The following RAF1 variants were observed in gnomAD, a reference collection of about 807,000 sequenced individuals.
The protein encoded by RAF1 is RAF proto-oncogene serine/threonine-protein kinase.
A neutral mutation model predicts 81.1 loss-of-function variants in RAF1; 27 were observed. The ratio of observed to expected loss-of-function variants is 0.33; its 90% CI spans 0.25 to 0.46. The LOEUF is 0.46. Among genes scored for constraint, RAF1 ranks in the 20% least tolerant of loss-of-function variants. The probability of loss-of-function intolerance (pLI) is 1.00; values close to 1 mark genes in which losing one functional copy is unlikely to be tolerated. For synonymous variants in RAF1, 298 were observed against 294.0 expected (o/e 1.01, Z -0.14); for missense variants, 598 against 826.0 (o/e 0.72, Z 3.38).
chr3:12,631,743 C>T (rs1465647511), intron 1 of RAF1, among the ~76,000 whole-genome samples: 4 of 152,204 alleles, frequency 2.6e-5, no homozygotes, highest in African/African-American at 9.7e-5. Context: ...GGTGGAAATT[C>T]AGCTCATGCT....
chr3:12,585,031 T>C (rs1334716097), intron 16 of RAF1, 50 bp from the exon 16 acceptor site: 4 of 1,613,954 alleles, frequency 2.5e-6, no homozygotes, highest in Non-Finnish European at 3.4e-6. Context: ...GAACAACAGA[T>C]AATAACAAGT....
chr3:12,596,533 T>G (rs1260494827), intron 11 of RAF1, among the ~76,000 whole-genome samples: 1 of 152,134 alleles, frequency 6.6e-6, no homozygotes, highest in Non-Finnish European at 1.5e-5. Context: ...GTTGTGAGCT[T>G]TGGGCCTGAC....
At position 12,623,221 on chromosome 3, in the gene RAF1, A is replaced by G. The variant is rs968762900; in HGVS notation, c.-26-4474T>C. On this transcript the variant is annotated intron_variant, in intron 1 of 17. Transcript: ENST00000442415. ...TTTATTCTATATTCAACTGTGGGGG[A>G]AGACTGTATTGGAATTGACTGATTC... 3.3e-5 allele frequency among the ~76,000 whole-genome samples: 5 copies of G among 152,124 alleles called. No individual in the cohort carries two copies. The South Asian group carries it at 1.0e-3, about 32-fold the overall frequency.
intron 14 of RAF1, among the ~76,000 whole-genome samples, chr3:12,586,447 C>T (rs1428357265): frequency 6.6e-6 from 1 of 152,116 alleles, no homozygotes; most frequent in Admixed American, 6.5e-5. Context: ...ACAAAACACA[C>T]ACAAAGTAAC....
intron 6 of RAF1, among the ~76,000 whole-genome samples, 173 bp downstream of exon 6, chr3:12,606,028 A>C (rs1395346163): frequency 9.3e-6 from 1 of 107,192 alleles, no homozygotes; most frequent in African/African-American, 4.2e-5. Flanking sequence ...ACAGGTCCAT[A>C]AACAGAAATT....
chr3:12,615,704 G>A (rs1037568103), intron 2 of RAF1, among the ~76,000 whole-genome samples: 1 of 152,170 alleles, frequency 6.6e-6, no homozygotes, highest in African/African-American at 2.4e-5. Flanking sequence ...CCAACCACCA[G>A]CTGTGCTCAA....
chr3:12,603,565 A>G (rs753724559), intron 7 of RAF1: 6 of 694,208 alleles, frequency 8.6e-6, no homozygotes, highest in Middle Eastern at 2.3e-4. Flanking sequence ...GAAATAAAGA[A>G]GAATAAAGAA....
intron 14 of RAF1, 67 bp downstream of exon 13, chr3:12,587,520 TAGAA>T (rs1399291198): frequency 1.4e-5 from 20 of 1,399,684 alleles, no homozygotes; most frequent in Admixed American, 5.0e-5. Flanking sequence ...CCACTTGTGA[TAGAA>T]AGCCTCCCTT....
At chr3:12,591,663 C>T (rs777189167) in intron 12 of RAF1, 45 bp downstream of exon 11, 2 of 1,523,794 alleles carry the variant, frequency 1.3e-6, no homozygotes, top group Admixed American at 1.7e-5. Flanking sequence ...TTGTACTCCC[C>T]ACTCCAGCAC....
chr3:12,623,241 T>C (rs1427730992), intron 1 of RAF1, among the ~76,000 whole-genome samples: 2 of 152,164 alleles, frequency 1.3e-5, no homozygotes, highest in African/African-American at 4.8e-5. Flanking sequence ...TGGAATTGAC[T>C]GATTCCAATC....
At chr3:12,653,752 T>C (rs1217159589) in intron 1 of RAF1, among the ~76,000 whole-genome samples, 2 of 149,284 alleles carry the variant, frequency 1.3e-5, no homozygotes, top group South Asian at 4.2e-4. Context: ...AAAAAAAAAG[T>C]CATCTCTCAT....
chr3:12,644,641 C>A (rs963461263), intron 1 of RAF1, among the ~76,000 whole-genome samples: 3 of 152,148 alleles, frequency 2.0e-5, no homozygotes, highest in African/African-American at 7.2e-5. Context: ...TCCTATTGCC[C>A]TTTCTGAGTA....
chr3:12,617,755 T>C (rs966574350), intron 2 of RAF1, among the ~76,000 whole-genome samples: 1 of 151,142 alleles, frequency 6.6e-6, no homozygotes, highest in Admixed American at 6.6e-5. Flanking sequence ...CAGCCAGGCG[T>C]GGCGGTGTGT....
At chr3:12,660,783 T>A (rs1186528619) in intron 1 of RAF1, among the ~76,000 whole-genome samples, 2 of 152,100 alleles carry the variant, frequency 1.3e-5, no homozygotes, top group African/African-American at 2.4e-5. Context: ...AAGACCAGCC[T>A]GGCTAATATG....
chr3:12,612,681 GTA>G (rs1021900296), intron 2 of RAF1, among the ~76,000 whole-genome samples: 1 of 150,006 alleles, frequency 6.7e-6, no homozygotes, highest in Admixed American at 6.6e-5. Flanking sequence ...GAAGAAATCT[GTA>G]TATGTTATAC....
intron 2 of RAF1, 31 bp downstream of exon 2, chr3:12,618,484 G>C: frequency 6.2e-7 from 1 of 1,609,402 alleles, no homozygotes; most frequent in South Asian, 1.1e-5. Context: ...CAGATAAATA[G>C]CTAAATTTCC....
intron 11 of RAF1, among the ~76,000 whole-genome samples, chr3:12,598,010 C>CT (rs138096604): frequency 2.6e-3 from 167 of 64,296 alleles, no homozygotes; most frequent in East Asian, 3.0e-3. Context: ...TTTTCTTTTC[C>CT]TTTTTTTTTT....
chr3:12,619,093 A>G (rs1471631575), intron 1 of RAF1, among the ~76,000 whole-genome samples: 5 of 151,794 alleles, frequency 3.3e-5, no homozygotes, highest in African/African-American at 1.2e-4. Context: ...AAAATACAAA[A>G]AATTAGCCGG....
intron 1 of RAF1, among the ~76,000 whole-genome samples, chr3:12,660,442 C>T (rs1199719711): frequency 3.9e-5 from 6 of 151,948 alleles, no homozygotes; most frequent in African/African-American, 1.4e-4. Context: ...GGACTACAGG[C>T]ATACTACACC....
Sources: allele counts gnomAD v4.1 joint callset (sites outside exome capture counted in the v4.1 genomes callset), GRCh38; gene constraint gnomAD v4.1.1; transcripts MANE v1.5; gene names NCBI Gene and HGNC (gene_info 2026-07-23, HGNC 2026-07-21).